Variants in SHISA6 observed in about 807,000 individuals in gnomAD.
SHISA6 encodes the protein shisa family member 6, also known as protein shisa-6.
In SHISA6, 22 loss-of-function variants were observed where a neutral mutation model predicts 47.9. That is an observed-to-expected ratio of 0.46 (90% CI 0.33 to 0.66). SHISA6 has a LOEUF of 0.66. SHISA6 is among the 30% of genes least tolerant of loss of function. The pLI, the probability that SHISA6 is intolerant of heterozygous loss-of-function variation, is 0.02. For synonymous variants in SHISA6, 388 were observed against 337.8 expected (o/e 1.15, Z -1.63); for missense variants, 680 against 764.6 (o/e 0.89, Z 1.30).
At chr17:11,482,834 G>T (rs890278210) in intron 3 of SHISA6, among the ~76,000 whole-genome samples, 5 of 152,074 alleles carry the variant, frequency 3.3e-5, no homozygotes, top group Non-Finnish European at 7.3e-5. Context: ...ATTAGGTACT[G>T]CTTCATTAAT....
At chr17:11,281,688 C>G (rs997114272) in intron 2 of SHISA6, among the ~76,000 whole-genome samples, 5 of 152,108 alleles carry the variant, frequency 3.3e-5, no homozygotes, top group African/African-American at 1.2e-4. Flanking sequence ...TTTTTTCTCT[C>G]AATTTTGTGG....
At chr17:11,325,697 A>T (rs1597459212) in intron 2 of SHISA6, among the ~76,000 whole-genome samples, 1 of 38,290 alleles carries the variant, frequency 2.6e-5, no homozygotes. Context: ...TGCCATGTTT[A>T]AAAAAAAAAA....
At chr17:11,528,488 G>C (rs1473222690) in intron 3 of SHISA6, among the ~76,000 whole-genome samples, 2 of 152,320 alleles carry the variant, frequency 1.3e-5, no homozygotes. Flanking sequence ...TGCACTGCTA[G>C]ATAGTTAGAT....
In SHISA6 at chr17:11,558,221, A is replaced by G. The variant is rs752256071; in HGVS notation, c.1573A>G (p.Arg525Gly). 3.2e-6 allele frequency: 5 copies of G among 1,541,768 alleles called. No individual in the cohort carries two copies. Among genetic ancestry groups the G allele is most frequent in the Non-Finnish European group, 4.4e-6 (5 of 1,146,952 alleles). Residue 525 changes from arginine (R) to glycine (G), a missense_variant, in exon 6 of 6, where the codon AGA (arginine) becomes GGA (glycine). Around this residue, in one of 2 missense-constraint regions of SHISA6, gnomAD observed 559 missense variants for 674.1 expected, o/e 0.83. Coordinates refer to ENST00000441885, the MANE Select transcript of SHISA6 (RefSeq NM_207386.4). ...CAAGCGTCATGCCTTTGCCTCACGC[A>G]GACACAACACGGTGGAGCAGCTGCA... ...AAKRHAFASR[R>G]HNTVEQLHYI...
At chr17:11,340,917 G>A (rs1218144593) in intron 2 of SHISA6, among the ~76,000 whole-genome samples, 1 of 152,208 alleles carries the variant, frequency 6.6e-6, no homozygotes, top group African/African-American at 2.4e-5. Context: ...GATCTGGGAG[G>A]GAGAAAGCTA....
chr17:11,501,913 C>T (rs2071457008), intron 3 of SHISA6, among the ~76,000 whole-genome samples: 2 of 152,126 alleles, frequency 1.3e-5, no homozygotes, highest in African/African-American at 4.8e-5. Context: ...GGAGGTATTA[C>T]TGTATCCTCT....
chr17:11,499,615 C>A (rs1230072469), intron 3 of SHISA6, among the ~76,000 whole-genome samples: 3 of 151,888 alleles, frequency 2.0e-5, no homozygotes, highest in African/African-American at 7.3e-5. Flanking sequence ...GGGAGCAATG[C>A]TTTACATTAG....
rs569598908 is a variant in SHISA6 at position 11,434,168 on chromosome 17, A to AT, written c.895+54661dup. On this transcript the variant is annotated intron_variant, in intron 3 of 5. Transcript: ENST00000441885. Reference sequence around the variant, plus strand: ...AACCTCTGCCTCTTGGATTCAAGTGATTCTCCCACCTCAGCCTCCTGAGTA... The same window carrying AT: ...AACCTCTGCCTCTTGGATTCAAGTGATTTCTCCCACCTCAGCCTCCTGAGTA... Among the ~76,000 whole-genome samples the AT allele has an allele frequency of 2.0e-4, 30 of 149,172 alleles. No homozygotes were observed. The South Asian group carries it at 6.1e-3, about 30-fold the overall frequency.
chr17:11,245,488 G>T (rs991865235), intron 1 of SHISA6, among the ~76,000 whole-genome samples: 1 of 152,178 alleles, frequency 6.6e-6, no homozygotes, highest in Non-Finnish European at 1.5e-5. Flanking sequence ...TGGGAGCCTG[G>T]GTCCTTTTTG....
chr17:11,503,654 AC>A (rs1271779138), intron 3 of SHISA6, among the ~76,000 whole-genome samples: 1 of 152,000 alleles, frequency 6.6e-6, no homozygotes, highest in Non-Finnish European at 1.5e-5. Flanking sequence ...GGTTCCCTAG[AC>A]CTTTTGCCCC....
chr17:11,557,676 A>G (rs2071994308), intron 5 of SHISA6, 78 bp from the exon 6 acceptor site: 2 of 1,372,454 alleles, frequency 1.5e-6, no homozygotes, highest in Admixed American at 2.6e-5. Context: ...ATGGAGCAGG[A>G]GCGGGGCAGG....
chr17:11,398,996 T>C (rs1168310246), intron 3 of SHISA6, among the ~76,000 whole-genome samples: 1 of 152,124 alleles, frequency 6.6e-6, no homozygotes, highest in Non-Finnish European at 1.5e-5. Flanking sequence ...ACCACAAGGA[T>C]TGTAGCAGGA....
At position 11,559,566 on chromosome 17, in the gene SHISA6, C is replaced by T. The variant is rs2072019785; in HGVS notation, c.*1262C>T. ...CCACATCCTCCCTGCAACTTTATTC[C>T]TCCTAGCTGATCCTTCAGATCCGTG... On this transcript the variant is annotated 3_prime_UTR_variant, in exon 6 of 6. Coordinates refer to ENST00000441885, the MANE Select transcript of SHISA6 (RefSeq NM_207386.4). The surrounding 1 kb of genome is among the most constrained non-coding windows in gnomAD (Gnocchi z 4.4). 6.5e-6 allele frequency: 1 copy of T among 152,896 alleles called. No individual in the cohort carries two copies. The highest frequency in any genetic ancestry group is 2.4e-5 in the African/African-American group (1 of 41,468). The allele number at this position is 152,896 out of a possible 1,614,324, so 9.5% of individuals were successfully genotyped here. A position where few individuals can be genotyped will look rare whatever the true frequency, so the allele number is the denominator to read the frequency against.
chr17:11,292,865 C>T (rs1296506286), intron 2 of SHISA6, among the ~76,000 whole-genome samples: 3 of 142,556 alleles, frequency 2.1e-5, no homozygotes, highest in Admixed American at 7.2e-5. Flanking sequence ...GCGCTTATTG[C>T]CCAGGCTGGA....
chr17:11,243,789 C>T (rs922960212), intron 1 of SHISA6, among the ~76,000 whole-genome samples: 2 of 152,202 alleles, frequency 1.3e-5, no homozygotes, highest in Admixed American at 1.3e-4. Context: ...GCCTTGGCCT[C>T]TCATTAAACC....
chr17:11,533,251 A>G (rs2071752818), intron 3 of SHISA6, among the ~76,000 whole-genome samples: 1 of 152,190 alleles, frequency 6.6e-6, no homozygotes, highest in Non-Finnish European at 1.5e-5. Context: ...GCATTTCTAT[A>G]GTAGCTTGTC....
At chr17:11,431,477 A>G (rs1426915446) in intron 3 of SHISA6, among the ~76,000 whole-genome samples, 1 of 152,232 alleles carries the variant, frequency 6.6e-6, no homozygotes, top group Admixed American at 6.5e-5. Flanking sequence ...TACCGAATCT[A>G]GCTTTTCCCA....
At chr17:11,394,240 A>C (rs1472835218) in intron 3 of SHISA6, among the ~76,000 whole-genome samples, 2 of 152,188 alleles carry the variant, frequency 1.3e-5, no homozygotes. Context: ...AAACAACTCC[A>C]ACCTGGGAGT....
At chr17:11,477,398 A>G (rs1916078208) in intron 3 of SHISA6, among the ~76,000 whole-genome samples, 1 of 151,928 alleles carries the variant, frequency 6.6e-6, no homozygotes. Context: ...ATTTTCTCTA[A>G]TTTCTTAACC....
Sources: gnomAD v4.1 joint callset for allele counts (sites outside exome capture counted in the v4.1 genomes callset) on GRCh38, gnomAD v4.1.1 for gene constraint, gnomAD v4.1.1 regional missense constraint, Gnocchi (gnomAD v3.1) non-coding constraint, MANE v1.5 for transcripts, NCBI Gene and HGNC (gene_info 2026-07-23, HGNC 2026-07-21) for gene names.